SAMD8: variants seen among roughly 807,000 people sequenced by gnomAD.
The protein encoded by SAMD8 is sphingomyelin synthase-related protein 1.
SAMD8 carries 20 observed loss-of-function variants against 42.0 expected under a neutral mutation model. The ratio of observed to expected loss-of-function variants is 0.48; its 90% confidence interval spans 0.34 to 0.69. SAMD8 has a LOEUF of 0.69. Ranked by LOEUF, SAMD8 falls within the 30% of genes least tolerant of loss-of-function variation. The pLI is 0.01. For missense variants in SAMD8, 328 were observed against 511.6 expected, an observed-to-expected ratio of 0.64 and a Z score of 3.46; for synonymous variants, 162 against 173.0, an observed-to-expected ratio of 0.94 and a Z score of 0.50.
chr10:75,101,634 G>A (rs1160633603), intron 1 of SAMD8, among the ~76,000 whole-genome samples: 1 of 152,182 alleles, frequency 6.6e-6, no homozygotes, highest in Non-Finnish European at 1.5e-5. Context: ...GACTCAGAGA[G>A]GTTAAGCAAC....
chr10:75,100,015 G>A (rs1032207445), intron 1 of SAMD8, among the ~76,000 whole-genome samples: 1 of 152,158 alleles, frequency 6.6e-6, no homozygotes, highest in African/African-American at 2.4e-5. Flanking sequence ...CTGGTCTGGA[G>A]CCATCAGGTG....
Position 75,169,235 on chromosome 10 carries a change from C to A in SAMD8, c.792+577C>A, listed in dbSNP as rs1396656073. Among the ~76,000 whole-genome samples, 3 of 149,856 alleles carry A rather than the reference C, an allele frequency of 2.0e-5. No individual in the cohort carries two copies. In the East Asian group the frequency reaches 6.0e-4, roughly 30 times the overall value. On this transcript the variant is annotated intron_variant, in intron 4 of 5. Coordinates refer to ENST00000542569, the MANE Select transcript of SAMD8 (RefSeq NM_001174156.2). The stretch of plus-strand genomic sequence containing the variant: ...GGCGCAGTGGCTCATGCCTGTAATC[C>A]CAGCACTTTGGGAGGCCAAGGTGGG...
At chr10:75,113,367 C>T (rs1448749227) in intron 1 of SAMD8, among the ~76,000 whole-genome samples, 1 of 151,518 alleles carries the variant, frequency 6.6e-6, no homozygotes. Context: ...CTTTTCTCTT[C>T]CTTCTTTTCT....
At position 75,165,071 on chromosome 10, in the gene SAMD8, A is replaced by C. The variant is rs369979316; in HGVS notation, c.674+331A>C. ...TTTGGGAGGCCGAGGCAGGCGGATC[A>C]CCTGAGGTTAGGAGTTCGAGACCAG... On this transcript the variant is annotated intron_variant, in intron 3 of 5. Coordinates refer to ENST00000542569, the MANE Select transcript of SAMD8 (RefSeq NM_001174156.2). 4.6e-5 allele frequency among the ~76,000 whole-genome samples: 7 copies of C among 151,928 alleles called. No homozygotes were observed. The East Asian group carries it at 1.4e-3, about 30-fold the overall frequency.
At chr10:75,114,334 A>C (rs923991668) in intron 1 of SAMD8, among the ~76,000 whole-genome samples, 1 of 148,088 alleles carries the variant, frequency 6.8e-6, no homozygotes, top group African/African-American at 2.5e-5. Flanking sequence ...ATATGTCTCA[A>C]AAAAAAAAAA....
intron 1 of SAMD8, among the ~76,000 whole-genome samples, chr10:75,141,838 G>T (rs539661994): frequency 1.6e-3 from 248 of 152,020 alleles, no homozygotes; most frequent in Admixed American, 3.3e-3. Flanking sequence ...ACCACGCCTG[G>T]CCTGCCTTTT....
At chr10:75,099,628 T>G in exon 1 of SAMD8, 1 of 1,044,992 alleles carries the variant, frequency 9.6e-7, no homozygotes, top group Non-Finnish European at 1.2e-6. Flanking sequence ...GGCCCTCCGG[T>G]CCCTCTAAAC....
intron 1 of SAMD8, among the ~76,000 whole-genome samples, chr10:75,112,641 TC>T (rs990921130): frequency 4.6e-5 from 7 of 152,366 alleles, no homozygotes; most frequent in South Asian, 2.1e-4. Flanking sequence ...GTCCTTTTTT[TC>T]ATTGTAATTT....
At chr10:75,128,136 G>A (rs7906252) in intron 1 of SAMD8, among the ~76,000 whole-genome samples, 27,854 of 145,496 alleles carry the variant, frequency 0.19, 2,858 homozygotes, top group East Asian at 0.27. Flanking sequence ...GCAATGGCGC[G>A]ATCTTGGCTC....
intron 1 of SAMD8, among the ~76,000 whole-genome samples, chr10:75,119,636 G>A (rs902302232): frequency 2.0e-5 from 3 of 152,136 alleles, no homozygotes; most frequent in South Asian, 2.1e-4. Context: ...ACACACGTGC[G>A]CACACGTGAG....
At chr10:75,156,612 A>C (rs1221660050) in intron 2 of SAMD8, among the ~76,000 whole-genome samples, 2 of 152,064 alleles carry the variant, frequency 1.3e-5, no homozygotes, top group South Asian at 2.1e-4. Context: ...TGATGTCCAC[A>C]GCATCACCTA....
upstream of SAMD8, among the ~76,000 whole-genome samples, chr10:75,110,562 G>A (rs1035322293): frequency 1.3e-5 from 2 of 152,158 alleles, no homozygotes; most frequent in Admixed American, 6.5e-5. Context: ...CATTGAAGTC[G>A]GCCCGGCACT....
rs190620865 is a variant in SAMD8, at chr10:75,168,779, A to T, written c.792+121A>T. 312 of 626,420 alleles carry T rather than the reference A, an allele frequency of 5.0e-4. 1 individual carries two copies. The African/African-American group carries it at 5.2e-3, about 10-fold the overall frequency. 38.8% of individuals were successfully genotyped at this position (626,420 alleles called of 1,614,324 possible). On this transcript the variant is annotated intron_variant, in intron 4 of 5. Transcript: ENST00000542569. ...GCTTTTTAGTATCTGCAATGTCTAT[A>T]AAAAAAACTATAGAAATAATTTGGT... is the stretch of plus-strand genomic sequence containing the variant.
At chr10:75,145,756 A>C (rs1028843197) in intron 1 of SAMD8, among the ~76,000 whole-genome samples, 1 of 152,156 alleles carries the variant, frequency 6.6e-6, no homozygotes, top group South Asian at 2.1e-4. Flanking sequence ...GACATTGCCA[A>C]ATGTTCCAGG....
At position 75,150,375 on chromosome 10, in the gene SAMD8, G is replaced by A. The variant is rs940748086; in HGVS notation, c.-15-139G>A. ...GGGCTTAAGTGATCCTCCCAACTCAGCCTCCCAAAGTGCTGGGGATTGTAG... is the reference window on the plus strand; with the variant it reads ...GGGCTTAAGTGATCCTCCCAACTCAACCTCCCAAAGTGCTGGGGATTGTAG... On this transcript the variant is annotated intron_variant, in intron 1 of 5. Coordinates refer to ENST00000542569, the MANE Select transcript of SAMD8 (RefSeq NM_001174156.2). 1.9e-5 allele frequency: 26 copies of A among 1,389,910 alleles called. 1 individual carries two copies. The highest frequency in any genetic ancestry group is 1.0e-4 in the East Asian group (4 of 39,296). The allele number at this position is 1,389,910 out of a possible 1,614,324, so 86.1% of individuals were successfully genotyped here. A position where few individuals can be genotyped will look rare whatever the true frequency, so the allele number is the denominator to read the frequency against.
chr10:75,156,442 GCTT>G (rs1840412086), intron 2 of SAMD8, among the ~76,000 whole-genome samples: 1 of 152,156 alleles, frequency 6.6e-6, no homozygotes, highest in East Asian at 1.9e-4. Context: ...CTGAGGGGGA[GCTT>G]ATTCACATGA....
chr10:75,164,467 G>C, intron 2 of SAMD8, 178 bp from the exon 3 acceptor site: 1 of 977,420 alleles, frequency 1.0e-6, no homozygotes, highest in Non-Finnish European at 1.2e-6. Context: ...GTTCCGATAG[G>C]TGGGGGTACT....
chr10:75,154,991 C>G (rs1840378099), intron 2 of SAMD8, among the ~76,000 whole-genome samples: 1 of 152,078 alleles, frequency 6.6e-6, no homozygotes, highest in South Asian at 2.1e-4. Context: ...TTCCTAGGCT[C>G]AAGTGATCTC....
chr10:75,113,090 A>G (rs1322510248), intron 1 of SAMD8, among the ~76,000 whole-genome samples: 1 of 152,220 alleles, frequency 6.6e-6, no homozygotes, highest in African/African-American at 2.4e-5. Flanking sequence ...AAAAATAAGG[A>G]CAGAGGATGC....
Sources: gnomAD v4.1 joint callset for allele counts (sites outside exome capture counted in the v4.1 genomes callset) on GRCh38, gnomAD v4.1.1 for gene constraint, MANE v1.5 for transcripts, NCBI Gene and HGNC (gene_info 2026-07-23, HGNC 2026-07-21) for gene names.